The following SCHIP1 variants were observed in gnomAD, a reference collection of about 807,000 sequenced individuals.
The protein encoded by SCHIP1 is schwannomin-interacting protein 1.
A neutral mutation model predicts 29.7 loss-of-function variants in SCHIP1; 8 were observed. That is an observed-to-expected ratio of 0.27 (90% CI 0.16 to 0.49). SCHIP1 has a LOEUF of 0.49. Ranked by LOEUF, SCHIP1 falls within the 20% of genes least tolerant of loss-of-function variation. The pLI, the probability that SCHIP1 is intolerant of heterozygous loss-of-function variation, is 0.99. For synonymous variants in SCHIP1, 76 were observed against 94.9 expected (o/e 0.80, Z 1.16); for missense variants, 193 against 294.6 (o/e 0.66, Z 2.52).
At chr3:159,659,575 C>A in the SCHIP1 span, among the ~76,000 whole-genome samples, 2 of 152,164 alleles carry the variant, frequency 1.3e-5, no homozygotes, top group African/African-American at 2.4e-5. Context: ...GGATTGCTTA[C>A]GACAGCTCCC....
the SCHIP1 span, among the ~76,000 whole-genome samples, chr3:159,381,100 T>C: frequency 1.3e-5 from 2 of 152,198 alleles, no homozygotes; most frequent in Non-Finnish European, 2.9e-5. Context: ...TGAGTGCTCT[T>C]GTGTGAGGTG....
intron 1 of SCHIP1, among the ~76,000 whole-genome samples, chr3:159,848,001 G>A (rs1356079662): frequency 6.8e-6 from 1 of 147,590 alleles, no homozygotes; most frequent in Non-Finnish European, 1.5e-5. Flanking sequence ...GGATGAAATC[G>A]AGTTTCCATG....
At chr3:159,598,349 G>A in the SCHIP1 span, among the ~76,000 whole-genome samples, 1 of 152,158 alleles carries the variant, frequency 6.6e-6, no homozygotes, top group African/African-American at 2.4e-5. Flanking sequence ...CTATGAACCT[G>A]TAATATCAAA....
At chr3:159,814,675 G>T in the SCHIP1 span, among the ~76,000 whole-genome samples, 5 of 152,210 alleles carry the variant, frequency 3.3e-5, no homozygotes, top group Non-Finnish European at 5.9e-5. Flanking sequence ...TGTAAAGTGG[G>T]TGTGTAGCCC....
chr3:159,725,662 A>G, the SCHIP1 span, among the ~76,000 whole-genome samples: 2 of 152,204 alleles, frequency 1.3e-5, no homozygotes, highest in African/African-American at 2.4e-5. Context: ...TGGACTTTCA[A>G]GAAGAAAAAG....
At chr3:159,671,314 A>G in the SCHIP1 span, among the ~76,000 whole-genome samples, 3 of 152,286 alleles carry the variant, frequency 2.0e-5, no homozygotes, top group African/African-American at 7.2e-5. Flanking sequence ...ATCTCCTGAC[A>G]TGGATCTGGG....
the SCHIP1 span, among the ~76,000 whole-genome samples, chr3:159,417,246 T>C: frequency 6.6e-6 from 1 of 152,166 alleles, no homozygotes; most frequent in African/African-American, 2.4e-5. Context: ...TCCAAGTCAT[T>C]AGCACAAGGA....
chr3:159,860,638 A>G (rs1040152707), intron 1 of SCHIP1, among the ~76,000 whole-genome samples: 6 of 152,242 alleles, frequency 3.9e-5, no homozygotes, highest in Non-Finnish European at 8.8e-5. Context: ...GTGAAAAGTG[A>G]GAAACAAATG....
At chr3:159,622,558 C>T in the SCHIP1 span, among the ~76,000 whole-genome samples, 1 of 152,088 alleles carries the variant, frequency 6.6e-6, no homozygotes, top group Non-Finnish European at 1.5e-5. Flanking sequence ...CAAGTGAATG[C>T]TCAAAAATAT....
At chr3:159,887,649 C>CT in intron 3 of SCHIP1, 59 bp from the exon 5 acceptor site, 4 of 1,599,256 alleles carry the variant, frequency 2.5e-6, no homozygotes, top group Admixed American at 1.7e-5. Flanking sequence ...TAGCCCATCT[C>CT]TAAGTGGATG....
At chr3:159,327,715 A>G in the SCHIP1 span, among the ~76,000 whole-genome samples, 2 of 152,240 alleles carry the variant, frequency 1.3e-5, no homozygotes, top group South Asian at 2.1e-4. Context: ...CTCTGCTTCT[A>G]TGTTTTATGG....
At chr3:159,839,678 G>A (rs1267881758), upstream of SCHIP1, among the ~76,000 whole-genome samples, 2 of 110,866 alleles carry the variant, frequency 1.8e-5, no homozygotes, top group Non-Finnish European at 1.7e-5. Context: ...CAGCCAAGCA[G>A]CCTTAGTGGG....
chr3:159,464,004 A>T, the SCHIP1 span, among the ~76,000 whole-genome samples: 1 of 152,164 alleles, frequency 6.6e-6, no homozygotes, highest in African/African-American at 2.4e-5. Context: ...TTTTGCTATT[A>T]TAAACAATAC....
the SCHIP1 span, among the ~76,000 whole-genome samples, chr3:159,583,888 A>G: frequency 3.3e-5 from 5 of 152,154 alleles, no homozygotes; most frequent in Non-Finnish European, 7.4e-5. Context: ...TAACATGCCA[A>G]TCGGCTCTTT....
At chr3:159,273,506 G>A in the SCHIP1 span, 3 of 1,115,852 alleles carry the variant, frequency 2.7e-6, no homozygotes, top group Non-Finnish European at 3.3e-6. Flanking sequence ...TCTGTTCTCC[G>A]AGTAGCCTTG....
the SCHIP1 span, among the ~76,000 whole-genome samples, chr3:159,672,349 G>A: frequency 6.6e-6 from 1 of 152,186 alleles, no homozygotes; most frequent in African/African-American, 2.4e-5. Flanking sequence ...TAACTACTGT[G>A]ACAACTAAAG....
chr3:159,636,742 G>A, the SCHIP1 span, among the ~76,000 whole-genome samples: 8 of 152,156 alleles, frequency 5.3e-5, no homozygotes, highest in South Asian at 2.1e-4. Flanking sequence ...GGGACTACAC[G>A]TTTAAAGCAT....
the SCHIP1 span, among the ~76,000 whole-genome samples, chr3:159,520,115 A>C: frequency 4.7e-5 from 7 of 148,832 alleles, no homozygotes; most frequent in Non-Finnish European, 8.9e-5. Flanking sequence ...AAAAAAAAAA[A>C]CTCCCAGCTC....
chr3:159,608,228 T>C, the SCHIP1 span, among the ~76,000 whole-genome samples: 3 of 152,308 alleles, frequency 2.0e-5, no homozygotes, highest in South Asian at 2.1e-4. Context: ...GCTAACTTTA[T>C]GGAATTAAAG....
Sources: gnomAD v4.1 joint callset for allele counts (sites outside exome capture counted in the v4.1 genomes callset) on GRCh38, gnomAD v4.1.1 for gene constraint, MANE v1.5 for transcripts, NCBI Gene and HGNC (gene_info 2026-07-23, HGNC 2026-07-21) for gene names.